The following SUMF1 variants were observed in gnomAD, a reference collection of about 807,000 sequenced individuals.
SUMF1 encodes the protein formylglycine-generating enzyme.
In SUMF1, 48 loss-of-function variants were observed where a neutral mutation model predicts 47.6. The observed-to-expected ratio is 1.01, with a 90% confidence interval of 0.80 to 1.28. SUMF1 has a LOEUF of 1.28. Ranked by LOEUF, SUMF1 falls within the 50% of genes most tolerant of loss-of-function variation. SUMF1 has a pLI of 0.00. For missense variants in SUMF1, 571 were observed against 485.4 expected (o/e 1.18, Z -1.66); for synonymous variants, 230 against 192.1 (o/e 1.20, Z -1.63).
intron 8 of SUMF1, among the ~76,000 whole-genome samples, chr3:4,353,735 G>C (rs1482883123): frequency 6.6e-6 from 1 of 151,910 alleles, no homozygotes; most frequent in Non-Finnish European, 1.5e-5. Context: ...AGGTCTCTGG[G>C]GTCTCCAGAC....
chr3:4,203,190 T>C (rs960208662), intron 8 of SUMF1, among the ~76,000 whole-genome samples: 7 of 152,018 alleles, frequency 4.6e-5, no homozygotes, highest in African/African-American at 1.7e-4. Context: ...AAGTGGAGTA[T>C]TGATGTTCCC....
intron 7 of SUMF1, among the ~76,000 whole-genome samples, chr3:4,410,413 C>T (rs965526973): frequency 1.3e-5 from 2 of 152,178 alleles, no homozygotes; most frequent in Non-Finnish European, 2.9e-5. Flanking sequence ...AACATTTAAC[C>T]AGAAAACACC....
At chr3:4,099,252 T>C (rs1255645362) in intron 8 of SUMF1, among the ~76,000 whole-genome samples, 1 of 151,874 alleles carries the variant, frequency 6.6e-6, no homozygotes, top group Non-Finnish European at 1.5e-5. Flanking sequence ...TTATAAGAGG[T>C]TGTGGTGGAA....
chr3:4,101,480 A>T (rs919306872), intron 8 of SUMF1, among the ~76,000 whole-genome samples: 1 of 152,142 alleles, frequency 6.6e-6, no homozygotes, highest in Non-Finnish European at 1.5e-5. Context: ...GGTGGTTACC[A>T]GATCTGGGGG....
intron 8 of SUMF1, among the ~76,000 whole-genome samples, chr3:4,339,855 T>C (rs1182052923): frequency 1.3e-5 from 2 of 152,098 alleles, no homozygotes; most frequent in East Asian, 1.9e-4. Flanking sequence ...GGCAGGCAGA[T>C]TGCTTCAGCC....
rs397762352 is a variant in SUMF1, at chr3:4,198,045, T to TC, written c.1015-129301dup. Among the ~76,000 whole-genome samples the TC allele has an allele frequency of 9.9e-5, 13 of 131,038 alleles. No homozygotes were observed. In the East Asian group the frequency reaches 1.5e-3, roughly 15 times the overall value. The allele number at this position is 131,038 out of a possible 152,430, so 86.0% of individuals were successfully genotyped here. A position where few individuals can be genotyped will look rare whatever the true frequency, so the allele number is the denominator to read the frequency against. On this transcript the variant is annotated intron_variant and NMD_transcript_variant, in intron 8 of 12. Transcript: ENST00000448413. ...TTGTTTTAGGCTTTTTTTTTTTTTT[T>TC]CGGAAAGAGAGATTCTTATTGGTCA...
chr3:4,446,516 C>T (rs1163189129), intron 3 of SUMF1, among the ~76,000 whole-genome samples: 1 of 152,220 alleles, frequency 6.6e-6, no homozygotes. Context: ...GAGACTAATA[C>T]ACCATCTTAT....
intron 8 of SUMF1, among the ~76,000 whole-genome samples, chr3:4,169,534 TAGA>T (rs1559531519): frequency 6.6e-6 from 1 of 152,182 alleles, no homozygotes; most frequent in African/African-American, 2.4e-5. Context: ...CTAGAGCCTT[TAGA>T]AGAAGCATGC....
chr3:4,206,439 C>T (rs1441736257), intron 8 of SUMF1, among the ~76,000 whole-genome samples: 1 of 152,088 alleles, frequency 6.6e-6, no homozygotes. Context: ...CTAAATACTG[C>T]CTCTGTGGGC....
In SUMF1 at chr3:4,088,010, A is replaced by G. The variant is rs969912628; in HGVS notation, c.1015-19265T>C. Among the ~76,000 whole-genome samples, 20 of 152,222 alleles carry G rather than the reference A, an allele frequency of 1.3e-4. 1 individual carries two copies. Among genetic ancestry groups the G allele is most frequent in the African/African-American group, 4.8e-4 (20 of 41,512 alleles). ...CTCCTATTTGATTCTAAGAAGGTGT[A>G]ATACAATTTTTCCTAAGCAGAAGTA... On this transcript the variant is annotated intron_variant and NMD_transcript_variant, in intron 8 of 12. Transcript: ENST00000448413.
chr3:4,308,381 A>G (rs1188841642), intron 8 of SUMF1, among the ~76,000 whole-genome samples: 6 of 151,538 alleles, frequency 4.0e-5, no homozygotes, highest in Non-Finnish European at 7.4e-5. Context: ...TTTCTTTCAC[A>G]GAAACCTATG....
chr3:4,455,717 A>AAAT (rs147483904), intron 1 of SUMF1, among the ~76,000 whole-genome samples: 3,016 of 151,600 alleles, frequency 0.02, 63 homozygotes, highest in Non-Finnish European at 0.026. Flanking sequence ...ACTCCGTTTC[A>AAAT]AATAATAATA....
intron 3 of SUMF1, among the ~76,000 whole-genome samples, chr3:4,440,107 G>A (rs746883765): frequency 1.2e-4 from 18 of 151,732 alleles, no homozygotes; most frequent in Non-Finnish European, 2.1e-4. Context: ...TTGGTGGCGG[G>A]AGCCTATAAT....
chr3:4,418,273 CAT>C lies in SUMF1; in HGVS notation c.603-143_603-142del, dbSNP rs1336297030. On this transcript the variant is annotated intron_variant, in intron 4 of 8. Transcript: ENST00000272902. Reference sequence around the variant, plus strand: ...CCTGGTCCTTAAGTCAAACCCCAGCCATGCTACATCTGTCATGCTCCACCAAC... The same window carrying C: ...CCTGGTCCTTAAGTCAAACCCCAGCCGCTACATCTGTCATGCTCCACCAAC... The C allele has an allele frequency of 2.8e-5, 35 of 1,271,204 alleles. No homozygotes were observed. In the African/African-American group the frequency reaches 4.3e-4, roughly 16 times the overall value. The allele number at this position is 1,271,204 out of a possible 1,614,324, so 78.7% of individuals were successfully genotyped here. A position where few individuals can be genotyped will look rare whatever the true frequency, so the allele number is the denominator to read the frequency against.
chr3:4,276,042 T>G (rs1697408417), intron 8 of SUMF1, among the ~76,000 whole-genome samples: 1 of 152,214 alleles, frequency 6.6e-6, no homozygotes, highest in Non-Finnish European at 1.5e-5. Context: ...ACTCAAGCCC[T>G]GATCTGTGTG....
At chr3:4,073,108 G>A (rs1276171269) in intron 8 of SUMF1, among the ~76,000 whole-genome samples, 1 of 152,134 alleles carries the variant, frequency 6.6e-6, no homozygotes, top group Non-Finnish European at 1.5e-5. Context: ...ACCCACAAAG[G>A]GCAGCCCATC....
At chr3:4,353,083 A>T (rs2819565) in intron 8 of SUMF1, among the ~76,000 whole-genome samples, 45,092 of 152,006 alleles carry the variant, frequency 0.3, 8,507 homozygotes, top group African/African-American at 0.52. Flanking sequence ...GTAATGTGCA[A>T]TATATCTACA....
At chr3:4,067,749 C>T (rs955677168) in intron 9 of SUMF1, among the ~76,000 whole-genome samples, 2 of 152,160 alleles carry the variant, frequency 1.3e-5, no homozygotes, top group Admixed American at 6.5e-5. Context: ...TGATGTCCTG[C>T]AGGTGCCCAG....
rs529555811 is a variant in SUMF1, at chr3:4,301,288, C to A, written c.1014+75042G>T. Among the ~76,000 whole-genome samples, 18 of 152,210 alleles carry A rather than the reference C, an allele frequency of 1.2e-4. 1 individual carries two copies. The South Asian group carries it at 3.7e-3, about 32-fold the overall frequency. On this transcript the variant is annotated intron_variant and NMD_transcript_variant, in intron 8 of 12. Coordinates refer to the SUMF1 transcript ENST00000448413. ...GAATGGCTTTTTGAGGGAATGTCAA[C>A]AGAACAAGGGGTTCCAACAGAGAAC...
Sources: gnomAD v4.1 joint callset for allele counts (sites outside exome capture counted in the v4.1 genomes callset) on GRCh38, gnomAD v4.1.1 for gene constraint, MANE v1.5 for transcripts, NCBI Gene and HGNC (gene_info 2026-07-23, HGNC 2026-07-21) for gene names.